The following DENND4B variants were observed in gnomAD, a reference collection of about 807,000 sequenced individuals.
DENND4B encodes DENN domain containing 4B.
Under a neutral mutation model 161.0 loss-of-function variants are expected in DENND4B, and 67 were observed. That is an observed-to-expected ratio of 0.42 (90% CI 0.34 to 0.51). The LOEUF is 0.51. Ranked by LOEUF, DENND4B falls within the 20% of genes least tolerant of loss-of-function variation. The pLI is 0.08. For missense variants in DENND4B, 1,481 were observed against 1,968.0 expected (o/e 0.75, Z 4.68); for synonymous variants, 753 against 813.8 (o/e 0.93, Z 1.27).
rs1679873598 is a variant in DENND4B, at chr1:153,944,811, C to G, written c.-23-414G>C. On this transcript the variant is annotated intron_variant, in intron 1 of 27. Coordinates refer to ENST00000361217, the MANE Select transcript of DENND4B (RefSeq NM_014856.3). This position sits in a 1 kb window ranked among gnomAD's most constrained non-coding sequence, Gnocchi z 4.8. ...GTCTTTTCAAGGGTTTCTGACCTTC[C>G]TACTCTAGTTATGACACCATAAGAA... Among the ~76,000 whole-genome samples the G allele has an allele frequency of 6.6e-6, 1 of 152,152 alleles. No homozygotes were observed. The highest frequency in any genetic ancestry group is 2.4e-5 in the African/African-American group (1 of 41,426).
chr1:153,929,896 A>G lies in DENND4B; in HGVS notation c.*401T>C, dbSNP rs1678803442. 1 of 168,364 alleles carries G rather than the reference A, an allele frequency of 5.9e-6. No individual in the cohort carries two copies. Among genetic ancestry groups the G allele is most frequent in the Admixed American group, 5.9e-5 (1 of 16,854 alleles). 10.4% of individuals were successfully genotyped at this position (168,364 alleles called of 1,614,324 possible). On this transcript the variant is annotated 3_prime_UTR_variant, in exon 28 of 28. Transcript: ENST00000361217. ...GAAGAGGGACCATTATTGGTGGAGAATGACATCCCTACCTCCCATTCAGGG... is the reference window on the plus strand; with the variant it reads ...GAAGAGGGACCATTATTGGTGGAGAGTGACATCCCTACCTCCCATTCAGGG...
rs889088752 is a variant in DENND4B at position 153,945,811 on chromosome 1, G to A, written c.-24+490C>T. Among the ~76,000 whole-genome samples, 3 of 152,236 alleles carry A rather than the reference G, an allele frequency of 2.0e-5. No individual in the cohort carries two copies. In the East Asian group the frequency reaches 5.8e-4, roughly 29 times the overall value. ...CACCCATCCGCAGGACCTGCGCACC[G>A]GGGCCTCCCCTCACCAAGCCAGGGA... On this transcript the variant is annotated intron_variant, in intron 1 of 27. Transcript: ENST00000361217.
chr1:153,940,702 T>TGGTGCCTGTTGAGAGA lies in DENND4B; in HGVS notation c.1327-112_1327-97dup. The TGGTGCCTGTTGAGAGA allele has an allele frequency of 1.3e-6, 2 of 1,503,520 alleles. No individual in the cohort carries two copies. The highest frequency in any genetic ancestry group is 1.8e-6 in the Non-Finnish European group (2 of 1,112,050). 93.1% of individuals were successfully genotyped at this position (1,503,520 alleles called of 1,614,324 possible). A position where few individuals can be genotyped will look rare whatever the true frequency, so the allele number is the denominator to read the frequency against. On this transcript the variant is annotated intron_variant, in intron 9 of 27. Transcript: ENST00000361217. The surrounding 1 kb of genome is among the most constrained non-coding windows in gnomAD (Gnocchi z 5.6). ...AGAGAGGGCATTGGCCTTGGGGAGT[T>TGGTGCCTGTTGAGAGA]GGTGCCTGTTGAGAGAGGCTGTTGG...
intron 1 of DENND4B, among the ~76,000 whole-genome samples, chr1:153,945,553 G>GAC (rs35616374): frequency 1.1e-3 from 170 of 149,896 alleles, no homozygotes; most frequent in Middle Eastern, 3.4e-3. Context: ...CTGGCCTCTG[G>GAC]ACACACACAC....
Position 153,934,377 on chromosome 1 carries a change from G to C in DENND4B, c.2774-75C>G. The C allele has an allele frequency of 2.0e-6, 3 of 1,498,632 alleles. No individual in the cohort carries two copies. Among genetic ancestry groups the C allele is most frequent in the African/African-American group, 2.9e-5 (2 of 70,118 alleles). 92.8% of individuals were successfully genotyped at this position (1,498,632 alleles called of 1,614,324 possible). A position where few individuals can be genotyped will look rare whatever the true frequency, so the allele number is the denominator to read the frequency against. Reference sequence around the variant, plus strand: ...CCCTGTTCCAAAATAGAGCTCCTTAGATGGACCAGGGTTTGCAGGGTTCCT... The same window carrying C: ...CCCTGTTCCAAAATAGAGCTCCTTACATGGACCAGGGTTTGCAGGGTTCCT... On this transcript the variant is annotated intron_variant, in intron 18 of 27. Coordinates refer to ENST00000361217, the MANE Select transcript of DENND4B (RefSeq NM_014856.3). The surrounding 1 kb of genome is among the most constrained non-coding windows in gnomAD (Gnocchi z 5.3).
At chr1:153,935,363 T>C (rs58095661) in intron 17 of DENND4B, 45,995 of 175,054 alleles carry the variant, frequency 0.26, 6,805 homozygotes, top group Admixed American at 0.37. Flanking sequence ...TTCTTTTTTT[T>C]CGAGACGGAG....
In DENND4B at chr1:153,940,573, T is replaced by C. The variant is rs1230140774; in HGVS notation, c.1360A>G (p.Ile454Val). 6.2e-6 allele frequency: 10 copies of C among 1,612,962 alleles called. No homozygotes were observed. Among genetic ancestry groups the C allele is most frequent in the South Asian group, 2.2e-5 (2 of 90,902 alleles). The change falls in exon 10 of 28, where the codon ATT becomes GTT. Residue 454 changes from isoleucine (I) to valine (V), a missense_variant. This residue lies in a region of DENND4B where 806 missense variants were observed against 1,134.4 expected (regional missense o/e 0.71). Transcript: ENST00000361217. The surrounding 1 kb of genome is among the most constrained non-coding windows in gnomAD (Gnocchi z 5.6). ...GCCAGCACCAGCGGGCACAGAGGAATGTAGGGGCACTGCCAGTGCAGTGGG... is the reference window on the plus strand; with the variant it reads ...GCCAGCACCAGCGGGCACAGAGGAACGTAGGGGCACTGCCAGTGCAGTGGG... ...IFPLHWQCPY[I>V]PLCPLVLADV...
chr1:153,935,416 G>C (rs1243505741), intron 17 of DENND4B, among the ~76,000 whole-genome samples: 1 of 152,072 alleles, frequency 6.6e-6, no homozygotes, highest in Non-Finnish European at 1.5e-5. Flanking sequence ...GCGCAATCTT[G>C]GCTCACTGCA....
At chr1:153,943,822 C>G (rs928036871) in intron 2 of DENND4B, among the ~76,000 whole-genome samples, 1 of 152,084 alleles carries the variant, frequency 6.6e-6, no homozygotes, top group Non-Finnish European at 1.5e-5. Context: ...GGAAAACAGG[C>G]CCAGAGGAGC....
chr1:153,943,751 T>A (rs1679807463), intron 2 of DENND4B, among the ~76,000 whole-genome samples: 1 of 150,904 alleles, frequency 6.6e-6, no homozygotes, highest in East Asian at 2.0e-4. Flanking sequence ...GTCACATGGG[T>A]TATCTCATTT....
chr1:153,941,868 C>T lies in DENND4B; in HGVS notation c.1055+1G>A, dbSNP rs1440294827. On this transcript the variant is annotated splice_donor_variant, in intron 6 of 27. Coordinates refer to ENST00000361217, the MANE Select transcript of DENND4B (RefSeq NM_014856.3). LOFTEE classifies it high-confidence loss of function. ...CCCAATGGCAGAGGAGCCATGCTCA[C>T]GCTTCCAAGGGTAGGCGGTGGGGGC... The T allele has an allele frequency of 5.0e-6, 8 of 1,611,670 alleles. No individual in the cohort carries two copies. Among genetic ancestry groups the T allele is most frequent in the Non-Finnish European group, 6.8e-6 (8 of 1,179,778 alleles).
At chr1:153,945,662 A>G (rs935598792) in intron 1 of DENND4B, among the ~76,000 whole-genome samples, 9 of 152,210 alleles carry the variant, frequency 5.9e-5, no homozygotes, top group Admixed American at 4.6e-4. Context: ...AGTCAGCGTC[A>G]GCCTCTTGAT....
chr1:153,939,212 C>A (rs1679528674), intron 12 of DENND4B, among the ~76,000 whole-genome samples, 167 bp from the exon 13 acceptor site: 1 of 152,150 alleles, frequency 6.6e-6, no homozygotes, highest in Non-Finnish European at 1.5e-5. Context: ...CAGCTCAGCA[C>A]CCCCAGCACA....
At position 153,942,208 on chromosome 1, in the gene DENND4B, G is replaced by T. The variant is rs1300957123; in HGVS notation, c.789C>A (p.Leu263=). 7.4e-6 allele frequency: 12 copies of T among 1,613,912 alleles called. No individual in the cohort carries two copies. The highest frequency in any genetic ancestry group is 1.0e-5 in the Non-Finnish European group (12 of 1,179,910). ...CCACCTTATCACCAGCTGCACCCGTGAGCACAAAGGTGGAGAAGACGGGCA... is the reference window on the plus strand; with the variant it reads ...CCACCTTATCACCAGCTGCACCCGTTAGCACAAAGGTGGAGAAGACGGGCA... ...YPVPVFSTFV[L]TGAAGDKVYG... is the part of the protein sequence containing the mutation. The change falls in exon 5 of 28, where the codon CTC becomes CTA. Residue 263 remains leucine, a synonymous_variant. Transcript: ENST00000361217. This position sits in a 1 kb window ranked among gnomAD's most constrained non-coding sequence, Gnocchi z 6.9.
rs892907058 is a variant in DENND4B at position 153,944,342 on chromosome 1, A to G, written c.33T>C (p.Asp11=). MAEERPPRLV[D]YFVVAGLAGN... Reference sequence around the variant, plus strand: ...CTGCAAGCCCAGCTACCACGAAGTAATCCACCAGCCGGGGGGGCCGCTCCT... The same window carrying G: ...CTGCAAGCCCAGCTACCACGAAGTAGTCCACCAGCCGGGGGGGCCGCTCCT... Residue 11 remains aspartate (D), a synonymous_variant, in exon 2 of 28, where the codon GAT becomes GAC. Coordinates refer to ENST00000361217, the MANE Select transcript of DENND4B (RefSeq NM_014856.3). This position sits in a 1 kb window ranked among gnomAD's most constrained non-coding sequence, Gnocchi z 4.8. 3 of 1,608,796 alleles carry G rather than the reference A, an allele frequency of 1.9e-6. No individual in the cohort carries two copies. The highest frequency in any genetic ancestry group is 1.3e-5 in the African/African-American group (1 of 74,776).
rs771407932 is a variant in DENND4B at position 153,942,135 on chromosome 1, G to A, written c.811-22C>T. On this transcript the variant is annotated intron_variant, in intron 5 of 27. Transcript: ENST00000361217. The surrounding 1 kb of genome is among the most constrained non-coding windows in gnomAD (Gnocchi z 6.9). The stretch of plus-strand genomic sequence containing the variant: ...ACACCTGGCAGGGGGCAGAAGGGTA[G>A]TCAGGCAGGCCCTGCATAGCCTGGA... The A allele has an allele frequency of 1.7e-5, 28 of 1,613,816 alleles. No individual in the cohort carries two copies. The highest frequency in any genetic ancestry group is 1.2e-4 in the South Asian group (11 of 91,092).
rs1464663801 is a variant in DENND4B at position 153,944,608 on chromosome 1, CTCCCCT to C, written c.-23-217_-23-212del. 2.0e-5 allele frequency among the ~76,000 whole-genome samples: 3 copies of C among 152,330 alleles called. No individual in the cohort carries two copies. Among genetic ancestry groups the C allele is most frequent in the East Asian group, 3.9e-4 (2 of 5,184 alleles). The stretch of plus-strand genomic sequence containing the variant: ...TCCCTCCCACTTAATGGTCCTGGCA[CTCCCCT>C]CAAAGAACCTAAACTCCACCACACA... On this transcript the variant is annotated intron_variant, in intron 1 of 27. Coordinates refer to ENST00000361217, the MANE Select transcript of DENND4B (RefSeq NM_014856.3). This position sits in a 1 kb window ranked among gnomAD's most constrained non-coding sequence, Gnocchi z 4.8.
In DENND4B at chr1:153,942,367, A is replaced by C. The variant is rs1679723581; in HGVS notation, c.641-11T>G. ...AGCGGCCCAGCAGCTCTGCACCCCCAGCATAGTTGGGGGTACCCAAAAGGA... is the reference window on the plus strand; with the variant it reads ...AGCGGCCCAGCAGCTCTGCACCCCCCGCATAGTTGGGGGTACCCAAAAGGA... On this transcript the variant is annotated splice_polypyrimidine_tract_variant and intron_variant, in intron 4 of 27. Transcript: ENST00000361217. The surrounding 1 kb of genome is among the most constrained non-coding windows in gnomAD (Gnocchi z 6.9). The C allele has an allele frequency of 6.2e-7, 1 of 1,607,990 alleles. No individual in the cohort carries two copies. Among genetic ancestry groups the C allele is most frequent in the African/African-American group, 1.3e-5 (1 of 74,806 alleles).
Position 153,944,157 on chromosome 1 carries a change from C to A in DENND4B, c.218G>T (p.Gly73Val), listed in dbSNP as rs752573359. 1.2e-6 allele frequency: 2 copies of A among 1,613,152 alleles called. No homozygotes were observed. The highest frequency in any genetic ancestry group is 1.7e-6 in the Non-Finnish European group (2 of 1,179,562). Residue 73 changes from glycine (G) to valine (V), a missense_variant, in exon 2 of 28, where the codon GGG (glycine) becomes GTG (valine). Coordinates refer to ENST00000361217, the MANE Select transcript of DENND4B (RefSeq NM_014856.3). This position sits in a 1 kb window ranked among gnomAD's most constrained non-coding sequence, Gnocchi z 4.8. Reference protein sequence around the residue: ...QGYTCIQASAGGHPLELSAGL... With the variant: ...QGYTCIQASAVGHPLELSAGL... ...AGCACTGAGTTCCAAGGGGTGGCCC[C>A]CAGCAGAAGCCTGGATGCATGTGTA... is the stretch of plus-strand genomic sequence containing the variant.
Sources: allele counts gnomAD v4.1 joint callset (sites outside exome capture counted in the v4.1 genomes callset), GRCh38; gene constraint gnomAD v4.1.1; regional missense constraint gnomAD v4.1.1; non-coding constraint Gnocchi (gnomAD v3.1); transcripts MANE v1.5; gene names NCBI Gene and HGNC (gene_info 2026-07-23, HGNC 2026-07-21).